TENM2: variants seen among roughly 807,000 people sequenced by gnomAD.
TENM2 encodes the protein teneurin-2.
TENM2 carries 52 observed loss-of-function variants against 245.2 expected under a neutral mutation model. The observed-to-expected ratio is 0.21, with a 90% CI of 0.17 to 0.27. The LOEUF (loss-of-function observed/expected upper bound fraction) is 0.27, where lower values mean the gene tolerates loss of function less well. Among genes scored for constraint, TENM2 ranks in the 10% least tolerant of loss-of-function variants. The pLI is 1.00. For missense variants in TENM2, 3,046 were observed against 3,666.8 expected (o/e 0.83, Z 4.37); for synonymous variants, 1,363 against 1,438.9 (o/e 0.95, Z 1.19).
chr5:167,774,562 G>A (rs1021930889), intron 2 of TENM2, among the ~76,000 whole-genome samples: 6 of 152,082 alleles, frequency 3.9e-5, no homozygotes, highest in Non-Finnish European at 5.9e-5. Context: ...CTCTAGAAAA[G>A]GTACACAAAT....
intron 2 of TENM2, among the ~76,000 whole-genome samples, chr5:167,497,321 C>G (rs1180025195): frequency 2.0e-5 from 3 of 152,048 alleles, no homozygotes; most frequent in African/African-American, 4.8e-5. Context: ...GGAAAGCTAG[C>G]TGGCTGGCAG....
At chr5:167,097,277 A>G in the TENM2 span, among the ~76,000 whole-genome samples, 1 of 152,208 alleles carries the variant, frequency 6.6e-6, no homozygotes. Context: ...TTATTTACAA[A>G]GAACTGCACA....
At chr5:167,849,857 GGAGCTTCCATGCCTCT>G (rs1382835023) in intron 2 of TENM2, among the ~76,000 whole-genome samples, 2 of 152,290 alleles carry the variant, frequency 1.3e-5, no homozygotes, top group South Asian at 2.1e-4. Context: ...GAAGGGGTGT[GGAGCTTCCATGCCTCT>G]CCAAGTATGC....
the TENM2 span, among the ~76,000 whole-genome samples, chr5:167,063,380 T>G: frequency 6.6e-6 from 1 of 152,206 alleles, no homozygotes; most frequent in South Asian, 2.1e-4. Context: ...AGGACTGGTT[T>G]CAAAAGCATT....
chr5:167,679,713 T>G (rs1461928310), intron 2 of TENM2, among the ~76,000 whole-genome samples: 1 of 152,164 alleles, frequency 6.6e-6, no homozygotes, highest in Non-Finnish European at 1.5e-5. Flanking sequence ...GCAGTGTAGA[T>G]TTCTATTGTG....
chr5:167,922,530 T>G (rs1777450880), intron 3 of TENM2, among the ~76,000 whole-genome samples: 1 of 152,226 alleles, frequency 6.6e-6, no homozygotes, highest in African/African-American at 2.4e-5. Context: ...CACTCTGCCT[T>G]GTCTACCACT....
At chr5:167,155,171 G>A in the TENM2 span, among the ~76,000 whole-genome samples, 1,123 of 152,336 alleles carry the variant, frequency 7.4e-3, 15 homozygotes, top group African/African-American at 0.025. Context: ...AAGGCGCAGT[G>A]TAGAGGATGA....
intron 2 of TENM2, among the ~76,000 whole-genome samples, chr5:167,719,421 G>A (rs1759477636): frequency 6.6e-6 from 1 of 152,136 alleles, no homozygotes; most frequent in Admixed American, 6.5e-5. Context: ...AATTCCTAAG[G>A]GTTTGAGTTC....
At chr5:167,485,079 C>T (rs566136809) in intron 2 of TENM2, among the ~76,000 whole-genome samples, 5 of 152,174 alleles carry the variant, frequency 3.3e-5, no homozygotes, top group East Asian at 3.9e-4. Context: ...AAATATCTCC[C>T]GAGGGTTGAG....
intron 2 of TENM2, among the ~76,000 whole-genome samples, chr5:167,555,642 C>G (rs1476330110): frequency 6.6e-6 from 1 of 152,086 alleles, no homozygotes; most frequent in East Asian, 1.9e-4. Flanking sequence ...ATGTGTAAGT[C>G]AGTTGGCATG....
chr5:167,101,991 T>TGAGG, the TENM2 span, among the ~76,000 whole-genome samples: 28 of 144,936 alleles, frequency 1.9e-4, no homozygotes, highest in Admixed American at 2.0e-3. Flanking sequence ...TTTGAGAGGA[T>TGAGG]GAGGTCAGTG....
intron 2 of TENM2, among the ~76,000 whole-genome samples, chr5:167,603,657 G>A (rs770451816): frequency 5.3e-5 from 8 of 152,170 alleles, no homozygotes; most frequent in South Asian, 2.1e-4. Flanking sequence ...TTCCAGCCTG[G>A]CTAACAGAGT....
intron 5 of TENM2, among the ~76,000 whole-genome samples, chr5:168,025,555 A>G (rs1233248491): frequency 2.0e-5 from 3 of 152,034 alleles, no homozygotes; most frequent in Admixed American, 2.0e-4. Flanking sequence ...AGCAAGAAGA[A>G]GTTTAAGTAT....
At chr5:167,277,829 C>G in the TENM2 span, among the ~76,000 whole-genome samples, 4 of 150,838 alleles carry the variant, frequency 2.7e-5, no homozygotes, top group African/African-American at 9.7e-5. Context: ...ATGTCCATGT[C>G]CTCTTGGAAG....
chr5:168,194,494 C>T (rs1031305755), intron 14 of TENM2, among the ~76,000 whole-genome samples: 3 of 151,624 alleles, frequency 2.0e-5, no homozygotes, highest in South Asian at 2.1e-4. Context: ...AGCAGGAATT[C>T]GACATAAGAG....
chr5:167,113,286 G>A, the TENM2 span, among the ~76,000 whole-genome samples: 1 of 152,036 alleles, frequency 6.6e-6, no homozygotes, highest in Non-Finnish European at 1.5e-5. Flanking sequence ...CAGGGCCAGG[G>A]GTCCTTATTT....
intron 2 of TENM2, among the ~76,000 whole-genome samples, chr5:167,650,953 A>C (rs1332687348): frequency 6.6e-6 from 1 of 152,166 alleles, no homozygotes; most frequent in Non-Finnish European, 1.5e-5. Flanking sequence ...TGGAGTCACA[A>C]CTTCTACATA....
At chr5:167,950,277 A>G (rs1561971219) in intron 3 of TENM2, among the ~76,000 whole-genome samples, 2 of 152,218 alleles carry the variant, frequency 1.3e-5, no homozygotes, top group African/African-American at 4.8e-5. Flanking sequence ...AAGCAACCGC[A>G]GGAATTCTGC....
At chr5:168,227,498 C>T (rs991964659) in intron 24 of TENM2, among the ~76,000 whole-genome samples, 3 of 122,816 alleles carry the variant, frequency 2.4e-5, no homozygotes, top group African/African-American at 3.4e-5. Context: ...AGGAGGAAAA[C>T]TGAAGTCATT....
Sources: allele counts gnomAD v4.1 joint callset (sites outside exome capture counted in the v4.1 genomes callset), GRCh38; gene constraint gnomAD v4.1.1; transcripts MANE v1.5; gene names NCBI Gene and HGNC (gene_info 2026-07-23, HGNC 2026-07-21).